SCLT1: variants seen among roughly 807,000 people sequenced by gnomAD.
SCLT1 encodes sodium channel and clathrin linker 1.
SCLT1 carries 78 observed loss-of-function variants against 112.8 expected under a neutral mutation model. That is an observed-to-expected ratio of 0.69 (90% CI 0.58 to 0.83). The LOEUF (loss-of-function observed/expected upper bound fraction) is 0.83. Among genes scored for constraint, SCLT1 ranks in the 40% least tolerant of loss-of-function variants. The pLI is 0.00. For synonymous variants in SCLT1, 257 were observed against 254.7 expected, an observed-to-expected ratio of 1.01 and a Z score of -0.09; for missense variants, 747 against 770.4, an observed-to-expected ratio of 0.97 and a Z score of 0.36.
intron 5 of SCLT1, among the ~76,000 whole-genome samples, chr4:129,015,706 C>T (rs552764621): frequency 6.6e-6 from 1 of 152,306 alleles, no homozygotes; most frequent in South Asian, 2.1e-4. Context: ...AAGGGTCTCT[C>T]TCCTCCTGCT....
At chr4:129,073,413 A>G (rs1751195172) in intron 2 of SCLT1, among the ~76,000 whole-genome samples, 1 of 152,142 alleles carries the variant, frequency 6.6e-6, no homozygotes, top group Non-Finnish European at 1.5e-5. Context: ...ATTACTTCTC[A>G]AGTTTCTTAG....
chr4:129,011,979 C>T (rs576533482), intron 5 of SCLT1, among the ~76,000 whole-genome samples: 1 of 151,966 alleles, frequency 6.6e-6, no homozygotes, highest in East Asian at 1.9e-4. Flanking sequence ...TTCCAAAAAA[C>T]CAGCTTCTGT....
At chr4:128,906,298 C>T (rs1454855171) in intron 18 of SCLT1, among the ~76,000 whole-genome samples, 1 of 152,010 alleles carries the variant, frequency 6.6e-6, no homozygotes, top group African/African-American at 2.4e-5. Context: ...CCCGGGTTCA[C>T]GTCATTCTCC....
At chr4:128,944,357 C>T (rs1397727480) in intron 16 of SCLT1, among the ~76,000 whole-genome samples, 2 of 152,038 alleles carry the variant, frequency 1.3e-5, no homozygotes, top group Non-Finnish European at 2.9e-5. Context: ...TCCACAATAT[C>T]ATCATCTATG....
chr4:128,935,923 T>C (rs1737144406), intron 18 of SCLT1, among the ~76,000 whole-genome samples: 1 of 152,086 alleles, frequency 6.6e-6, no homozygotes, highest in African/African-American at 2.4e-5. Flanking sequence ...TCAACTTACA[T>C]ACATAATTTA....
chr4:129,039,247 G>A (rs1295120516), intron 4 of SCLT1, 151 bp from the exon 5 acceptor site: 2 of 553,714 alleles, frequency 3.6e-6, no homozygotes, highest in Non-Finnish European at 6.5e-6. Context: ...AATTAATATG[G>A]ATAATTTACT....
At chr4:128,934,185 CT>C (rs1736999949) in intron 18 of SCLT1, among the ~76,000 whole-genome samples, 1 of 151,754 alleles carries the variant, frequency 6.6e-6, no homozygotes, top group Non-Finnish European at 1.5e-5. Context: ...TTCTGTCCCG[CT>C]CTCTCCTCTC....
chr4:129,006,979 C>T (rs1277538156), intron 5 of SCLT1, among the ~76,000 whole-genome samples: 1 of 152,214 alleles, frequency 6.6e-6, no homozygotes, highest in Non-Finnish European at 1.5e-5. Context: ...TATTTTCTAA[C>T]TTCCATTGTG....
At chr4:128,897,815 G>A (rs1382322581) in intron 18 of SCLT1, among the ~76,000 whole-genome samples, 7 of 152,204 alleles carry the variant, frequency 4.6e-5, no homozygotes, top group Non-Finnish European at 7.4e-5. Context: ...TCAAAATAAA[G>A]GGATGGAGGA....
At position 128,957,091 on chromosome 4, in the gene SCLT1, T is replaced by G. The variant is rs775762765; in HGVS notation, c.1081A>C (p.Ile361Leu). ...LLEEKQKEED[I>L]EKMKETVSRF... Reference sequence around the variant, plus strand: ...GAAACTGTCTCTTTCATTTTCTCTATGTCTTCTTCTTTTTGCTTCTCCTCA... The same window carrying G: ...GAAACTGTCTCTTTCATTTTCTCTAGGTCTTCTTCTTTTTGCTTCTCCTCA... Residue 361 changes from isoleucine to leucine, a missense_variant, in exon 13 of 21, where the codon ATA becomes CTA. By Grantham distance (5) the Ile-to-Leu change is conservative (BLOSUM62 2). Coordinates refer to ENST00000281142, the MANE Select transcript of SCLT1 (RefSeq NM_144643.4). 6.2e-7 allele frequency: 1 copy of G among 1,601,626 alleles called. No homozygotes were observed. The highest frequency in any genetic ancestry group is 8.5e-7 in the Non-Finnish European group (1 of 1,172,000).
chr4:128,948,260 C>T (rs1213090600), intron 15 of SCLT1, among the ~76,000 whole-genome samples: 5 of 143,078 alleles, frequency 3.5e-5, no homozygotes, highest in Middle Eastern at 3.9e-3. Context: ...TGCCTGAACC[C>T]GGGAGGTGGA....
chr4:128,880,689 T>A (rs767656682), downstream of SCLT1, among the ~76,000 whole-genome samples: 5 of 152,232 alleles, frequency 3.3e-5, no homozygotes, highest in East Asian at 7.7e-4. Flanking sequence ...TTAAGCTGCA[T>A]TAATGGAAGT....
chr4:129,039,861 CAGTA>C (rs1367910343), intron 4 of SCLT1: 19 of 250,324 alleles, frequency 7.6e-5, no homozygotes, highest in East Asian at 4.3e-4. Context: ...AGTCAACTCT[CAGTA>C]AGTGTGAATG....
At chr4:129,037,829 C>T (rs1579802026) in intron 5 of SCLT1, 1 of 152,032 alleles carries the variant, frequency 6.6e-6, no homozygotes, top group African/African-American at 2.4e-5. Flanking sequence ...AATATATGAA[C>T]AAGCATTTTA....
chr4:129,085,804 G>A (rs1443557348), intron 1 of SCLT1, among the ~76,000 whole-genome samples: 3 of 152,120 alleles, frequency 2.0e-5, no homozygotes, highest in Admixed American at 2.0e-4. Flanking sequence ...ATAAGTGGGA[G>A]GTAAATGATG....
chr4:129,058,205 T>A (rs762053014), intron 2 of SCLT1, among the ~76,000 whole-genome samples: 1 of 152,216 alleles, frequency 6.6e-6, no homozygotes, highest in African/African-American at 2.4e-5. Context: ...GTATTGGTTT[T>A]TTAGTGCCAA....
At chr4:128,975,465 A>T (rs1012097692) in intron 9 of SCLT1, among the ~76,000 whole-genome samples, 5 of 152,206 alleles carry the variant, frequency 3.3e-5, no homozygotes, top group Admixed American at 2.0e-4. Flanking sequence ...TTTAATTATC[A>T]ATACACTTTT....
intron 2 of SCLT1, among the ~76,000 whole-genome samples, chr4:129,054,215 T>G (rs1749132833): frequency 6.6e-6 from 1 of 152,118 alleles, no homozygotes; most frequent in South Asian, 2.1e-4. Context: ...ATGAATCTGA[T>G]GATTATGTGT....
Position 128,891,145 on chromosome 4 carries a change from G to A in SCLT1, c.1830-8C>T, listed in dbSNP as rs762915633. ...TGTCGACTCAGCTCACTCCTATTAAGAGCACCAAAAAATCCATTAATATAA... is the reference window on the plus strand; with the variant it reads ...TGTCGACTCAGCTCACTCCTATTAAAAGCACCAAAAAATCCATTAATATAA... On this transcript the variant is annotated splice_region_variant and splice_polypyrimidine_tract_variant and intron_variant, in intron 18 of 20. Transcript: ENST00000281142. 3.1e-6 allele frequency: 5 copies of A among 1,600,190 alleles called. No homozygotes were observed. In the East Asian group the frequency reaches 6.7e-5, roughly 22 times the overall value.
Sources: gnomAD v4.1 joint callset for allele counts (sites outside exome capture counted in the v4.1 genomes callset) on GRCh38, gnomAD v4.1.1 for gene constraint, MANE v1.5 for transcripts, NCBI Gene and HGNC (gene_info 2026-07-23, HGNC 2026-07-21) for gene names.